The following TTC17 variants were observed in gnomAD, a reference collection of about 807,000 sequenced individuals.
The protein encoded by TTC17 is tetratricopeptide repeat protein 17.
A neutral mutation model predicts 143.8 loss-of-function variants in TTC17; 58 were observed. That is an observed-to-expected ratio of 0.40 (90% confidence interval 0.33 to 0.50). TTC17 has a LOEUF of 0.50. TTC17 is among the 20% of genes least tolerant of loss of function. The probability of loss-of-function intolerance (pLI) is 0.49; values close to 1 mark genes in which losing one functional copy is unlikely to be tolerated. For synonymous variants in TTC17, 501 were observed against 497.8 expected, an observed-to-expected ratio of 1.01 and a Z score of -0.09; for missense variants, 1,273 against 1,392.5, an observed-to-expected ratio of 0.91 and a Z score of 1.37.
chr11:43,381,452 A>C (rs1856965575), intron 2 of TTC17, among the ~76,000 whole-genome samples: 1 of 152,154 alleles, frequency 6.6e-6, no homozygotes, highest in African/African-American at 2.4e-5. Flanking sequence ...ATTCCATGCA[A>C]GATGTAGGAA....
At chr11:43,371,579 C>A (rs982560820) in intron 1 of TTC17, among the ~76,000 whole-genome samples, 1 of 152,172 alleles carries the variant, frequency 6.6e-6, no homozygotes, top group Non-Finnish European at 1.5e-5. Context: ...TGAACCCAGT[C>A]CTTTTGGGGT....
At position 43,443,447 on chromosome 11, in the gene TTC17, G is replaced by A. The variant is rs1478504943; in HGVS notation, c.2374G>A (p.Gly792Arg). 6.2e-7 allele frequency: 1 copy of A among 1,614,148 alleles called. No homozygotes were observed. The highest frequency in any genetic ancestry group is 1.7e-5 in the Admixed American group (1 of 60,014). Reference sequence around the variant, plus strand: ...ACAGGCATGGCCTTTGGAAGGCTTTGGGGGTGCACTAGAGATGAAAGGGCG... The same window carrying A: ...ACAGGCATGGCCTTTGGAAGGCTTTAGGGGTGCACTAGAGATGAAAGGGCG... ...FQQAWPLEGF[G>R]GALEMKGRRL... The change falls in exon 17 of 24, where the codon GGG becomes AGG. Residue 792 changes from glycine (G) to arginine (R), a missense_variant. By Grantham distance (125) the Gly-to-Arg change is moderately radical. Coordinates refer to ENST00000039989, the MANE Select transcript of TTC17 (RefSeq NM_018259.6).
intron 16 of TTC17, among the ~76,000 whole-genome samples, chr11:43,435,611 G>A (rs148803173): frequency 1.3e-5 from 2 of 152,250 alleles, no homozygotes; most frequent in African/African-American, 4.8e-5. Flanking sequence ...TTTTCCAAAA[G>A]AAACATTGCA....
intron 9 of TTC17, 49 bp downstream of exon 9, chr11:43,400,097 T>C (rs1426556943): frequency 1.7e-5 from 26 of 1,571,984 alleles, no homozygotes; most frequent in Non-Finnish European, 2.2e-5. Flanking sequence ...AATTCACTTT[T>C]AGCATGCTTT....
intron 16 of TTC17, among the ~76,000 whole-genome samples, 162 bp from the exon 17 acceptor site, chr11:43,443,163 T>G (rs1472097159): frequency 6.6e-6 from 1 of 152,224 alleles, no homozygotes; most frequent in African/African-American, 2.4e-5. Context: ...TGGTATTTTA[T>G]TATGTATTTT....
chr11:43,454,435 A>G (rs1335786869), intron 21 of TTC17, among the ~76,000 whole-genome samples: 1 of 152,176 alleles, frequency 6.6e-6, no homozygotes, highest in African/African-American at 2.4e-5. Flanking sequence ...AAAAGAATAC[A>G]CATGTACACA....
At chr11:43,414,245 A>G (rs977438677) in intron 15 of TTC17, among the ~76,000 whole-genome samples, 2 of 152,212 alleles carry the variant, frequency 1.3e-5, no homozygotes, top group Admixed American at 6.5e-5. Flanking sequence ...CTATGATGAC[A>G]GAAGTCACAT....
intron 21 of TTC17, among the ~76,000 whole-genome samples, chr11:43,459,725 A>T (rs1004187763): frequency 6.6e-6 from 1 of 152,314 alleles, no homozygotes; most frequent in East Asian, 1.9e-4. Flanking sequence ...TTACTTTAGG[A>T]TGGTATGAAA....
In TTC17 at chr11:43,386,777, G is replaced by T. The variant is rs933051491; in HGVS notation, c.250-2875G>T. Among the ~76,000 whole-genome samples the T allele has an allele frequency of 8.5e-5, 13 of 152,064 alleles. No homozygotes were observed. In the East Asian group the frequency reaches 1.4e-3, roughly 16 times the overall value. On this transcript the variant is annotated intron_variant, in intron 2 of 23. Transcript: ENST00000039989. ...ATAGATTAATTTCTTACGTATGTAT[G>T]TATTTATTTATTTATTTATTCATTT...
chr11:43,491,943 T>A (rs1266029521), intron 22 of TTC17, 77 bp from the exon 23 acceptor site: 12 of 1,570,534 alleles, frequency 7.6e-6, no homozygotes, highest in Non-Finnish European at 1.0e-5. Context: ...CAGACTGTAT[T>A]CTTTATGATC....
rs938954107 is a variant in TTC17, at chr11:43,406,639, C to CA, written c.1762-493dup. 5.8e-4 allele frequency among the ~76,000 whole-genome samples: 88 copies of CA among 151,548 alleles called. 1 individual carries two copies. The highest frequency in any genetic ancestry group is 1.9e-3 in the African/African-American group (79 of 41,294). On this transcript the variant is annotated intron_variant, in intron 13 of 23. Coordinates refer to ENST00000039989, the MANE Select transcript of TTC17 (RefSeq NM_018259.6). Reference sequence around the variant, plus strand: ...TATATTCAATAGACATTTCCTTAGGCAAAAAACATTATGTGCCAGACATTG... The same window carrying CA: ...TATATTCAATAGACATTTCCTTAGGCAAAAAAACATTATGTGCCAGACATTG...
At chr11:43,408,752 T>A (rs1223874240) in intron 15 of TTC17, among the ~76,000 whole-genome samples, 1 of 152,144 alleles carries the variant, frequency 6.6e-6, no homozygotes, top group Non-Finnish European at 1.5e-5. Flanking sequence ...TACCTTTTTT[T>A]TTTCTTTGAG....
intron 21 of TTC17, among the ~76,000 whole-genome samples, chr11:43,487,135 T>TTTTG (rs780529918): frequency 2.6e-5 from 4 of 152,142 alleles, no homozygotes; most frequent in African/African-American, 4.8e-5. Context: ...GAAATAACTT[T>TTTTG]TTTGTTTGTT....
intron 21 of TTC17, among the ~76,000 whole-genome samples, chr11:43,477,607 T>C (rs1436660728): frequency 6.6e-6 from 1 of 152,134 alleles, no homozygotes; most frequent in Non-Finnish European, 1.5e-5. Flanking sequence ...ATGAGACTTA[T>C]TCACTATCAC....
chr11:43,382,031 A>G (rs142906954), intron 2 of TTC17, among the ~76,000 whole-genome samples: 1 of 152,324 alleles, frequency 6.6e-6, no homozygotes, highest in East Asian at 1.9e-4. Flanking sequence ...CAAGATAGAA[A>G]TTTGTTAGTC....
At chr11:43,402,311 C>T (rs544703289) in intron 10 of TTC17, among the ~76,000 whole-genome samples, 21 of 152,104 alleles carry the variant, frequency 1.4e-4, no homozygotes, top group Non-Finnish European at 2.9e-4. Context: ...CTGAAGTAAT[C>T]AGTCCAATTA....
chr11:43,416,289 TTAA>T (rs1308312608), intron 16 of TTC17, among the ~76,000 whole-genome samples: 1 of 152,128 alleles, frequency 6.6e-6, no homozygotes, highest in African/African-American at 2.4e-5. Context: ...GCTTTTTATA[TTAA>T]TAGAATCTCT....
At chr11:43,444,980 T>C (rs960858027) in intron 18 of TTC17, among the ~76,000 whole-genome samples, 1 of 152,204 alleles carries the variant, frequency 6.6e-6, no homozygotes, top group Non-Finnish European at 1.5e-5. Context: ...AAGTAAATCA[T>C]CTTACAAGTG....
intron 21 of TTC17, among the ~76,000 whole-genome samples, chr11:43,455,975 C>G (rs749156819): frequency 3.5e-4 from 54 of 152,224 alleles, no homozygotes; most frequent in Middle Eastern, 6.8e-3. Flanking sequence ...CATAATCTAA[C>G]AGCATATTTT....
Sources: gnomAD v4.1 joint callset for allele counts (sites outside exome capture counted in the v4.1 genomes callset) on GRCh38, gnomAD v4.1.1 for gene constraint, MANE v1.5 for transcripts, NCBI Gene and HGNC (gene_info 2026-07-23, HGNC 2026-07-21) for gene names.